The following GPC5 variants were observed in gnomAD, a reference collection of about 807,000 sequenced individuals.
The protein encoded by GPC5 is glypican 5.
GPC5 carries 47 observed loss-of-function variants against 53.9 expected under a neutral mutation model. The observed-to-expected ratio is 0.87, with a 90% CI of 0.69 to 1.11. GPC5 has a LOEUF of 1.11. Ranked by LOEUF, GPC5 falls within the 50% of genes most tolerant of loss-of-function variation. The pLI, the probability that GPC5 is intolerant of heterozygous loss-of-function variation, is 0.00. For missense variants in GPC5, 748 were observed against 713.1 expected, an observed-to-expected ratio of 1.05 and a Z score of -0.56; for synonymous variants, 286 against 263.3, an observed-to-expected ratio of 1.09 and a Z score of -0.84.
intron 7 of GPC5, among the ~76,000 whole-genome samples, chr13:92,553,832 G>T (rs1213184693): frequency 6.6e-6 from 1 of 151,996 alleles, no homozygotes; most frequent in South Asian, 2.1e-4. Context: ...AGAATCCACA[G>T]GAATTCCTCA....
chr13:92,141,330 C>T (rs17188397), intron 6 of GPC5, among the ~76,000 whole-genome samples: 1 of 152,010 alleles, frequency 6.6e-6, no homozygotes, highest in South Asian at 2.1e-4. Flanking sequence ...CTGAGAATCA[C>T]GAATCGGGTG....
chr13:92,795,066 C>T (rs557562902), intron 7 of GPC5, among the ~76,000 whole-genome samples: 8 of 152,108 alleles, frequency 5.3e-5, no homozygotes, highest in East Asian at 3.9e-4. Context: ...AAAAAGAGCC[C>T]GCATAGCCAA....
intron 7 of GPC5, among the ~76,000 whole-genome samples, chr13:92,556,516 G>T (rs137987892): frequency 6.6e-6 from 1 of 151,696 alleles, no homozygotes. Context: ...TGTATGTAGA[G>T]ACCCAAGGTA....
intron 1 of GPC5, among the ~76,000 whole-genome samples, chr13:91,432,395 A>G (rs944899180): frequency 1.6e-4 from 24 of 152,188 alleles, no homozygotes; most frequent in Admixed American, 9.2e-4. Context: ...ATCCTTTCAT[A>G]TTAGATATGC....
At chr13:92,511,544 G>A (rs970904469) in intron 7 of GPC5, among the ~76,000 whole-genome samples, 2 of 152,276 alleles carry the variant, frequency 1.3e-5, no homozygotes, top group East Asian at 3.9e-4. Flanking sequence ...AAAAATGCCA[G>A]CTGATTAAAT....
chr13:92,297,689 A>C (rs1167466509), intron 7 of GPC5, among the ~76,000 whole-genome samples: 2 of 152,110 alleles, frequency 1.3e-5, no homozygotes, highest in African/African-American at 4.8e-5. Context: ...CAGCGCCCTG[A>C]CAAAACAGGC....
chr13:92,545,498 G>T (rs1685101007), intron 7 of GPC5, among the ~76,000 whole-genome samples: 1 of 152,186 alleles, frequency 6.6e-6, no homozygotes. Context: ...TCACCACACT[G>T]ACTTCCACAA....
At chr13:91,981,942 C>T (rs932370930) in intron 6 of GPC5, among the ~76,000 whole-genome samples, 4 of 152,026 alleles carry the variant, frequency 2.6e-5, no homozygotes, top group African/African-American at 9.7e-5. Context: ...TGGAACAGAA[C>T]ATATTAGGCA....
At chr13:92,040,090 A>C (rs1200033966) in intron 6 of GPC5, among the ~76,000 whole-genome samples, 2 of 152,244 alleles carry the variant, frequency 1.3e-5, no homozygotes, top group Non-Finnish European at 2.9e-5. Context: ...GAGTAATTAA[A>C]ATGAGCCTCT....
intron 7 of GPC5, among the ~76,000 whole-genome samples, chr13:92,184,524 C>T (rs2042170569): frequency 6.6e-6 from 1 of 152,144 alleles, no homozygotes; most frequent in Non-Finnish European, 1.5e-5. Context: ...AAAATTGTCT[C>T]CTTAAATAAC....
chr13:92,144,508 T>G (rs2041852354), intron 6 of GPC5, among the ~76,000 whole-genome samples: 1 of 152,192 alleles, frequency 6.6e-6, no homozygotes, highest in South Asian at 2.1e-4. Context: ...TTACCATATT[T>G]AAACATTATT....
At chr13:92,167,585 A>G (rs940536740) in intron 7 of GPC5, among the ~76,000 whole-genome samples, 1 of 152,364 alleles carries the variant, frequency 6.6e-6, no homozygotes, top group East Asian at 1.9e-4. Context: ...TAAAAGAAAC[A>G]ACAGGAATTG....
intron 7 of GPC5, among the ~76,000 whole-genome samples, chr13:92,322,113 A>G (rs982006229): frequency 6.6e-6 from 1 of 152,110 alleles, no homozygotes; most frequent in Non-Finnish European, 1.5e-5. Context: ...AGTTAAATAA[A>G]AGGAAATTAA....
intron 2 of GPC5, among the ~76,000 whole-genome samples, chr13:91,517,474 C>A (rs1885565991): frequency 6.6e-6 from 1 of 152,326 alleles, no homozygotes; most frequent in South Asian, 2.1e-4. Context: ...CCATCTCAGC[C>A]TGGACCTTAT....
At chr13:91,783,793 T>C (rs1286834535) in intron 5 of GPC5, among the ~76,000 whole-genome samples, 1 of 152,190 alleles carries the variant, frequency 6.6e-6, no homozygotes, top group East Asian at 1.9e-4. Flanking sequence ...CAGAAAATCA[T>C]TGAAGTATTT....
intron 7 of GPC5, among the ~76,000 whole-genome samples, chr13:92,259,558 C>T (rs946146433): frequency 1.3e-5 from 2 of 152,126 alleles, no homozygotes; most frequent in Non-Finnish European, 2.9e-5. Flanking sequence ...CCCTATCATT[C>T]CCATCCTGCC....
At chr13:92,421,474 T>C (rs1348086174) in intron 7 of GPC5, among the ~76,000 whole-genome samples, 2 of 151,616 alleles carry the variant, frequency 1.3e-5, no homozygotes, top group African/African-American at 4.8e-5. Flanking sequence ...CCGAGGCGGG[T>C]GGATCACGAG....
intron 7 of GPC5, among the ~76,000 whole-genome samples, chr13:92,309,728 T>A (rs1400699181): frequency 6.6e-6 from 1 of 152,120 alleles, no homozygotes; most frequent in Non-Finnish European, 1.5e-5. Flanking sequence ...CACATGTTTA[T>A]CTTTAAAAAT....
chr13:92,499,831 T>C (rs1566617427), intron 7 of GPC5, among the ~76,000 whole-genome samples: 1 of 152,170 alleles, frequency 6.6e-6, no homozygotes, highest in Non-Finnish European at 1.5e-5. Flanking sequence ...AAGTCTTCAT[T>C]GAAAAATGGG....
Sources: gnomAD v4.1 joint callset for allele counts (sites outside exome capture counted in the v4.1 genomes callset) on GRCh38, gnomAD v4.1.1 for gene constraint, MANE v1.5 for transcripts, NCBI Gene and HGNC (gene_info 2026-07-23, HGNC 2026-07-21) for gene names.